ARK2C: variants seen among roughly 807,000 people sequenced by gnomAD.
The protein encoded by ARK2C is E3 ubiquitin-protein ligase ARK2C.
the ARK2C span, among the ~76,000 whole-genome samples, chr18:46,451,080 A>C: frequency 3.2e-4 from 49 of 152,344 alleles, no homozygotes; most frequent in African/African-American, 1.2e-3. Context: ...ACATACATAT[A>C]CATGTATAGG....
At chr18:46,426,238 C>A in the ARK2C span, among the ~76,000 whole-genome samples, 172 of 152,310 alleles carry the variant, frequency 1.1e-3, no homozygotes, top group African/African-American at 3.9e-3. Flanking sequence ...TTTCAGGAAA[C>A]ACCTTGCTTC....
chr18:46,448,288 C>A, the ARK2C span, among the ~76,000 whole-genome samples: 4 of 152,134 alleles, frequency 2.6e-5, no homozygotes, highest in South Asian at 4.1e-4. Context: ...TGTGCCCTGG[C>A]CTTCTTGTGT....
At chr18:46,425,515 G>C in the ARK2C span, among the ~76,000 whole-genome samples, 2 of 152,190 alleles carry the variant, frequency 1.3e-5, no homozygotes, top group East Asian at 1.9e-4. Context: ...CTCAGCCCTG[G>C]AGTCTTGAGG....
the ARK2C span, chr18:46,334,186 C>G: frequency 2.3e-6 from 2 of 870,950 alleles, no homozygotes; most frequent in Non-Finnish European, 2.7e-6. The surrounding 1 kb of genome is among the most constrained non-coding windows in gnomAD (Gnocchi z 4.4). Flanking sequence ...GCTCCCGCAG[C>G]CCCGCCGCCG....
chr18:46,398,086 G>A, the ARK2C span, among the ~76,000 whole-genome samples: 1 of 148,790 alleles, frequency 6.7e-6, no homozygotes, highest in African/African-American at 2.5e-5. Flanking sequence ...TGACGTGTGA[G>A]GGTGTGTGCG....
chr18:46,381,984 G>A, the ARK2C span, among the ~76,000 whole-genome samples: 55 of 152,192 alleles, frequency 3.6e-4, no homozygotes, highest in Admixed American at 3.6e-3. Flanking sequence ...TTAGGTCTCA[G>A]GGGTGAGATG....
At chr18:46,439,597 G>A in the ARK2C span, among the ~76,000 whole-genome samples, 2 of 152,152 alleles carry the variant, frequency 1.3e-5, no homozygotes, top group South Asian at 2.1e-4. Context: ...TCTAATAAAT[G>A]CCACAAGTTT....
At chr18:46,380,528 G>A in the ARK2C span, among the ~76,000 whole-genome samples, 1 of 152,240 alleles carries the variant, frequency 6.6e-6, no homozygotes, top group African/African-American at 2.4e-5. Context: ...CTACCTGTGT[G>A]AACTCTGACC....
chr18:46,398,331 G>A, the ARK2C span, among the ~76,000 whole-genome samples: 4 of 151,922 alleles, frequency 2.6e-5, no homozygotes, highest in African/African-American at 7.3e-5. Flanking sequence ...GAAGGAAGCA[G>A]GTAGGGAGGG....
chr18:46,379,103 G>T, the ARK2C span, among the ~76,000 whole-genome samples: 1 of 152,194 alleles, frequency 6.6e-6, no homozygotes, highest in African/African-American at 2.4e-5. Flanking sequence ...GAAAGGGAAG[G>T]CTTGGGGGCC....
chr18:46,379,664 C>T, the ARK2C span, among the ~76,000 whole-genome samples: 3 of 152,220 alleles, frequency 2.0e-5, no homozygotes, highest in Non-Finnish European at 2.9e-5. Flanking sequence ...CCACCAACTG[C>T]GAAAGTGTGG....
At chr18:46,407,572 G>A in the ARK2C span, among the ~76,000 whole-genome samples, 1 of 152,044 alleles carries the variant, frequency 6.6e-6, no homozygotes, top group East Asian at 1.9e-4. Context: ...GTTTTGTTTT[G>A]TTTTGTTTTT....
At chr18:46,347,162 T>C in the ARK2C span, among the ~76,000 whole-genome samples, 1 of 152,222 alleles carries the variant, frequency 6.6e-6, no homozygotes, top group African/African-American at 2.4e-5. Flanking sequence ...CTCTGCTGCC[T>C]TGGGGAGTGA....
the ARK2C span, among the ~76,000 whole-genome samples, chr18:46,444,965 T>C: frequency 6.6e-6 from 1 of 152,192 alleles, no homozygotes; most frequent in Non-Finnish European, 1.5e-5. Context: ...TCATGTTTTC[T>C]TTTGTATATT....
the ARK2C span, among the ~76,000 whole-genome samples, chr18:46,426,059 C>A: frequency 2.0e-5 from 3 of 152,134 alleles, no homozygotes; most frequent in South Asian, 4.1e-4. Context: ...ATCTAATCAC[C>A]TCCCAAAGGC....
chr18:46,405,216 A>G, the ARK2C span, among the ~76,000 whole-genome samples: 3 of 152,164 alleles, frequency 2.0e-5, no homozygotes, highest in Admixed American at 2.0e-4. Flanking sequence ...ATCCCATAGT[A>G]AAATGTGTAG....
At chr18:46,349,665 T>C in the ARK2C span, among the ~76,000 whole-genome samples, 1 of 152,212 alleles carries the variant, frequency 6.6e-6, no homozygotes, top group Non-Finnish European at 1.5e-5. Flanking sequence ...GTGCTTGCCT[T>C]GTGCCAAAGC....
the ARK2C span, among the ~76,000 whole-genome samples, chr18:46,413,831 C>T: frequency 5.3e-5 from 8 of 152,148 alleles, no homozygotes; most frequent in Non-Finnish European, 1.2e-4. Context: ...AACACTCCTC[C>T]CCCTGCCCCA....
At chr18:46,409,892 A>T in the ARK2C span, among the ~76,000 whole-genome samples, 7 of 152,248 alleles carry the variant, frequency 4.6e-5, no homozygotes, top group Middle Eastern at 3.4e-3. Flanking sequence ...TGTACTTACC[A>T]GCCATAGAGC....
Sources: allele counts gnomAD v4.1 joint callset (sites outside exome capture counted in the v4.1 genomes callset), GRCh38; gene constraint gnomAD v4.1.1; non-coding constraint Gnocchi (gnomAD v3.1); transcripts MANE v1.5; gene names NCBI Gene and HGNC (gene_info 2026-07-23, HGNC 2026-07-21).